The following ERG variants were observed in gnomAD, a reference collection of about 807,000 sequenced individuals.
The protein encoded by ERG is transcriptional regulator ERG.
Under a neutral mutation model 55.3 loss-of-function variants are expected in ERG, and 9 were observed. That is an observed-to-expected ratio of 0.16 (90% CI 0.10 to 0.28). The LOEUF is 0.28. Among genes scored for constraint, ERG ranks in the 10% least tolerant of loss-of-function variants. The probability of loss-of-function intolerance (pLI) is 1.00; values close to 1 mark genes in which losing one functional copy is unlikely to be tolerated. For synonymous variants in ERG, 223 were observed against 237.3 expected, an observed-to-expected ratio of 0.94 and a Z score of 0.55; for missense variants, 434 against 631.6, an observed-to-expected ratio of 0.69 and a Z score of 3.35.
At chr21:38,428,704 T>C (rs1450313194) in intron 2 of ERG, among the ~76,000 whole-genome samples, 1 of 152,168 alleles carries the variant, frequency 6.6e-6, no homozygotes, top group Non-Finnish European at 1.5e-5. Context: ...CATATGTGTG[T>C]TGCAGCAGTT....
At chr21:38,404,906 T>C (rs1257993811) in intron 3 of ERG, among the ~76,000 whole-genome samples, 2 of 152,180 alleles carry the variant, frequency 1.3e-5, no homozygotes, top group African/African-American at 4.8e-5. Context: ...TGCAATACAT[T>C]TTTAGGTTTG....
chr21:38,378,787 G>A (rs1480015758), downstream of ERG, among the ~76,000 whole-genome samples: 8 of 152,106 alleles, frequency 5.3e-5, no homozygotes, highest in Non-Finnish European at 1.0e-4. Flanking sequence ...TCACCTTCCC[G>A]TTTAATTTTC....
chr21:38,628,401 G>A (rs979409957), intron 1 of ERG, among the ~76,000 whole-genome samples: 5 of 152,076 alleles, frequency 3.3e-5, no homozygotes, highest in African/African-American at 1.2e-4. Flanking sequence ...GCCCATCTAA[G>A]GGACCACATG....
chr21:38,571,422 G>A (rs2146855485), intron 2 of ERG, among the ~76,000 whole-genome samples: 1 of 152,030 alleles, frequency 6.6e-6, no homozygotes, highest in South Asian at 2.1e-4. Flanking sequence ...GAGGCAGGAA[G>A]ATCGCTTGAG....
At position 38,576,829 on chromosome 21, in the gene ERG, G is replaced by A. The variant is rs986473818; in HGVS notation, c.-126-1082C>T. 7.2e-5 allele frequency among the ~76,000 whole-genome samples: 11 copies of A among 152,080 alleles called. No homozygotes were observed. In the East Asian group the frequency reaches 9.7e-4, roughly 13 times the overall value. On this transcript the variant is annotated intron_variant, in intron 1 of 8. Transcript: ENST00000398897. ...CACCTGCCGCCCAACCTCCCTGGGC[G>A]CTTGGTTATGGTTCTGACTGCAGCT... is the stretch of plus-strand genomic sequence containing the variant.
intron 2 of ERG, among the ~76,000 whole-genome samples, chr21:38,513,576 T>C (rs1383631552): frequency 2.0e-5 from 3 of 152,220 alleles, no homozygotes; most frequent in Non-Finnish European, 4.4e-5. Context: ...GCACATTTTA[T>C]GGCACTGCAT....
At chr21:38,468,536 T>C (rs777182873) in intron 1 of ERG, among the ~76,000 whole-genome samples, 40 of 152,226 alleles carry the variant, frequency 2.6e-4, no homozygotes, top group South Asian at 1.2e-3. Flanking sequence ...TTCACCACAG[T>C]TGATGATGCT....
chr21:38,507,125 T>G (rs1057190208), intron 2 of ERG, among the ~76,000 whole-genome samples: 2 of 152,160 alleles, frequency 1.3e-5, no homozygotes, highest in Non-Finnish European at 2.9e-5. Flanking sequence ...ATTGCCAGCA[T>G]GCACAATACG....
rs78576479 is a variant in ERG, at chr21:38,655,707, T to C, written c.-150+5951A>G. On this transcript the variant is annotated intron_variant, in intron 1 of 10. Coordinates refer to the ERG transcript ENST00000398910. ...TTTAAAATGTAAGCAGCACTGTCACTGTAACCATGAAACTGTCATGGTTTT... is the reference window on the plus strand; with the variant it reads ...TTTAAAATGTAAGCAGCACTGTCACCGTAACCATGAAACTGTCATGGTTTT... 8.5e-3 allele frequency among the ~76,000 whole-genome samples: 1,296 copies of C among 152,302 alleles called. 26 individuals carry two copies. The highest frequency in any genetic ancestry group is 0.065 in the East Asian group (335 of 5,168).
chr21:38,512,800 T>C (rs530587685), intron 2 of ERG, among the ~76,000 whole-genome samples: 2 of 152,248 alleles, frequency 1.3e-5, no homozygotes, highest in South Asian at 4.1e-4. Flanking sequence ...CATTATAATA[T>C]AGAAATACTG....
chr21:38,590,352 A>C (rs1462816929), intron 1 of ERG, among the ~76,000 whole-genome samples: 1 of 152,162 alleles, frequency 6.6e-6, no homozygotes, highest in Non-Finnish European at 1.5e-5. Context: ...AGGTGGAGGA[A>C]ATAGATGAGG....
intron 2 of ERG, among the ~76,000 whole-genome samples, chr21:38,573,599 A>G (rs1457732360): frequency 1.3e-5 from 2 of 152,198 alleles, no homozygotes; most frequent in African/African-American, 2.4e-5. Context: ...CTTAATTATG[A>G]CATAGATTCT....
intron 2 of ERG, among the ~76,000 whole-genome samples, chr21:38,441,616 G>A (rs1221763096): frequency 6.6e-6 from 1 of 152,176 alleles, no homozygotes; most frequent in Non-Finnish European, 1.5e-5. Context: ...ACTGAGCTCT[G>A]GGGGAGACGG....
At position 38,383,442 on chromosome 21, in the gene ERG, G is replaced by A. The variant is rs1987539097; in HGVS notation, c.1401C>T (p.Pro467=). The change falls in exon 10 of 10, where the codon CCC becomes CCT. Residue 467 remains proline (P), a synonymous_variant. Transcript: ENST00000288319. This position sits in a 1 kb window ranked among gnomAD's most constrained non-coding sequence, Gnocchi z 5.7. ...CCAGATGAGAAGGCATATGGCTGGT[G>A]GGGAGCCTAGTGTTGGGGTATATAC... ...TGGIYPNTRL[P]TSHMPSHLGT... is the part of the protein sequence containing the mutation. 3 of 1,515,500 alleles carry A rather than the reference G, an allele frequency of 2.0e-6. No individual in the cohort carries two copies. The highest frequency in any genetic ancestry group is 1.8e-4 in the Middle Eastern group (1 of 5,596). 93.9% of individuals were successfully genotyped at this position (1,515,500 alleles called of 1,614,324 possible).
At chr21:38,558,311 G>T (rs1601239254) in intron 2 of ERG, among the ~76,000 whole-genome samples, 1 of 152,132 alleles carries the variant, frequency 6.6e-6, no homozygotes, top group Admixed American at 6.5e-5. Context: ...TCAACACTGG[G>T]GTTAGCAAGA....
intron 2 of ERG, among the ~76,000 whole-genome samples, chr21:38,529,784 G>T (rs1009212659): frequency 7.9e-5 from 12 of 152,150 alleles, no homozygotes; most frequent in Admixed American, 3.9e-4. Context: ...GGCCAACGTG[G>T]TGTTACCCCG....
At chr21:38,651,449 G>C (rs1325430028) in intron 1 of ERG, among the ~76,000 whole-genome samples, 1 of 152,192 alleles carries the variant, frequency 6.6e-6, no homozygotes, top group African/African-American at 2.4e-5. Context: ...GACCAGCCCA[G>C]ATGGAGACGT....
chr21:38,459,074 C>G (rs2059017044), intron 1 of ERG, among the ~76,000 whole-genome samples: 1 of 152,184 alleles, frequency 6.6e-6, no homozygotes. Flanking sequence ...TCCTCATTCT[C>G]TAAATGTCAG....
At chr21:38,473,861 T>G (rs1047108163) in intron 1 of ERG, among the ~76,000 whole-genome samples, 1 of 152,058 alleles carries the variant, frequency 6.6e-6, no homozygotes, top group South Asian at 2.1e-4. Flanking sequence ...TGTTTGCGTA[T>G]GTATGCATGT....
Sources: gnomAD v4.1 joint callset for allele counts (sites outside exome capture counted in the v4.1 genomes callset) on GRCh38, gnomAD v4.1.1 for gene constraint, Gnocchi (gnomAD v3.1) non-coding constraint, MANE v1.5 for transcripts, NCBI Gene and HGNC (gene_info 2026-07-23, HGNC 2026-07-21) for gene names.